Variants in IL1RAPL1 observed in about 807,000 individuals in gnomAD.
The protein encoded by IL1RAPL1 is interleukin 1 receptor accessory protein like 1, also known as interleukin-1 receptor accessory protein-like 1.
In IL1RAPL1, 3 loss-of-function variants were observed where a neutral mutation model predicts 48.4. That is an observed-to-expected ratio of 0.06 (90% CI 0.03 to 0.16). The LOEUF is 0.16. Ranked by LOEUF, IL1RAPL1 falls within the 10% of genes least tolerant of loss-of-function variation. IL1RAPL1 has a pLI of 1.00. For synonymous variants in IL1RAPL1, 185 were observed against 187.7 expected, an observed-to-expected ratio of 0.99 and a Z score of 0.12; for missense variants, 349 against 530.6, an observed-to-expected ratio of 0.66 and a Z score of 3.36.
At chrX:29,254,903 C>T (rs181589029) in intron 2 of IL1RAPL1, among the ~76,000 whole-genome samples, 177 of 111,631 alleles carry the variant, frequency 1.6e-3, no homozygotes, top group African/African-American at 5.5e-3. Flanking sequence ...TCATTTTTAT[C>T]CTCTTATGGA....
intron 5 of IL1RAPL1, among the ~76,000 whole-genome samples, chrX:29,616,129 A>G (rs1456787927): frequency 8.9e-6 from 1 of 111,965 alleles, no homozygotes; most frequent in Non-Finnish European, 1.9e-5. Flanking sequence ...GCAGAAAATG[A>G]GAAAACTCAT....
chrX:29,916,309 C>T (rs1932800565), intron 6 of IL1RAPL1, among the ~76,000 whole-genome samples: 1 of 110,988 alleles, frequency 9.0e-6, no homozygotes, highest in Non-Finnish European at 1.9e-5. Flanking sequence ...GTTCTAGATC[C>T]CTGAGGAATC....
rs982668643 is a variant in IL1RAPL1, at chrX:28,610,659, G to A, written c.-25+22612G>A. On this transcript the variant is annotated intron_variant, in intron 1 of 10. Transcript: ENST00000378993. ...AGTAAGAATCTGATGTTCGTAGAAA[G>A]TTCTGTACCCTTGTTGCATTTGCTG... is the stretch of plus-strand genomic sequence containing the variant. Among the ~76,000 whole-genome samples the A allele has an allele frequency of 5.4e-5, 6 of 111,761 alleles. No homozygotes were observed. The South Asian group carries it at 1.5e-3, about 29-fold the overall frequency.
At chrX:29,353,263 T>C (rs745774373) in intron 3 of IL1RAPL1, among the ~76,000 whole-genome samples, 2 of 111,359 alleles carry the variant, frequency 1.8e-5, no homozygotes, top group Non-Finnish European at 3.8e-5. Context: ...ACTTAGGCTG[T>C]CAGATAATTA....
At chrX:29,017,627 G>C (rs752927807) in intron 2 of IL1RAPL1, among the ~76,000 whole-genome samples, 1 of 111,473 alleles carries the variant, frequency 9.0e-6, no homozygotes, top group African/African-American at 3.3e-5. Flanking sequence ...TTAACTTTAT[G>C]CAGGAAAAGA....
chrX:29,125,503 A>G lies in IL1RAPL1; in HGVS notation c.83-157435A>G, dbSNP rs79152927. On this transcript the variant is annotated intron_variant, in intron 2 of 10. Transcript: ENST00000378993. Reference sequence around the variant, plus strand: ...ATTCCCCTGGAAACTGCAGATGATAAGGGTGCATTTTATTCTGAATGTTGT... The same window carrying G: ...ATTCCCCTGGAAACTGCAGATGATAGGGGTGCATTTTATTCTGAATGTTGT... 3.6e-5 allele frequency among the ~76,000 whole-genome samples: 4 copies of G among 112,240 alleles called. No individual in the cohort carries two copies. The East Asian group carries it at 1.1e-3, about 32-fold the overall frequency.
Position 29,807,352 on chromosome X carries a change from C to A in IL1RAPL1, c.779-110112C>A, listed in dbSNP as rs772207071. Reference sequence around the variant, plus strand: ...GGGAAACACTGGGCATGGTGGCTCACGCCTGTAATCCCAGCACTTTGGGAG... The same window carrying A: ...GGGAAACACTGGGCATGGTGGCTCAAGCCTGTAATCCCAGCACTTTGGGAG... On this transcript the variant is annotated intron_variant, in intron 6 of 10. Transcript: ENST00000378993. Among the ~76,000 whole-genome samples the A allele has an allele frequency of 4.6e-5, 5 of 109,700 alleles. No homozygotes were observed. In the South Asian group the frequency reaches 1.9e-3, roughly 43 times the overall value.
chrX:29,130,085 C>T (rs911074710), intron 2 of IL1RAPL1, among the ~76,000 whole-genome samples: 1 of 111,366 alleles, frequency 9.0e-6, no homozygotes, highest in Non-Finnish European at 1.9e-5. Context: ...ACTACCCACC[C>T]CTAGCTCTGG....
intron 1 of IL1RAPL1, among the ~76,000 whole-genome samples, chrX:28,653,434 C>T (rs1934710337): frequency 9.1e-6 from 1 of 110,119 alleles, no homozygotes. Flanking sequence ...GATATCATGC[C>T]ACTGCACTCC....
chrX:29,914,153 G>A (rs1213211175), intron 6 of IL1RAPL1, among the ~76,000 whole-genome samples: 2 of 112,034 alleles, frequency 1.8e-5, no homozygotes, highest in Admixed American at 9.5e-5. Context: ...GGGTGGGGTA[G>A]TCAAAGAACA....
chrX:29,433,383 A>G (rs758102398), intron 5 of IL1RAPL1, among the ~76,000 whole-genome samples: 1 of 111,021 alleles, frequency 9.0e-6, no homozygotes, highest in Non-Finnish European at 1.9e-5. Context: ...TCAAGTATAT[A>G]TAATTTATTT....
intron 2 of IL1RAPL1, among the ~76,000 whole-genome samples, chrX:28,797,300 C>A (rs1008708937): frequency 2.7e-5 from 3 of 112,134 alleles, no homozygotes; most frequent in Non-Finnish European, 5.6e-5. Context: ...ATGCAAATTT[C>A]TGCAGCCAGC....
intron 2 of IL1RAPL1, among the ~76,000 whole-genome samples, chrX:29,021,997 C>A (rs912322009): frequency 8.9e-6 from 1 of 111,841 alleles, no homozygotes; most frequent in African/African-American, 3.2e-5. Flanking sequence ...AAACTCCCAG[C>A]AAAAGTAGAG....
chrX:29,601,587 C>T (rs1166373527), intron 5 of IL1RAPL1, among the ~76,000 whole-genome samples: 2 of 111,872 alleles, frequency 1.8e-5, no homozygotes, highest in Non-Finnish European at 3.8e-5. Flanking sequence ...TCACAATTAC[C>T]CACCCTTTAG....
chrX:29,780,099 C>T (rs771281968), intron 6 of IL1RAPL1, among the ~76,000 whole-genome samples: 1 of 111,377 alleles, frequency 9.0e-6, no homozygotes, highest in Non-Finnish European at 1.9e-5. Context: ...CTACACGGAT[C>T]CCCCTCAACT....
chrX:28,788,783 T>C (rs1936501118), intron 1 of IL1RAPL1, among the ~76,000 whole-genome samples: 1 of 110,943 alleles, frequency 9.0e-6, no homozygotes, highest in South Asian at 3.8e-4. Flanking sequence ...ATACATTCTT[T>C]TAATAAAAAC....
intron 2 of IL1RAPL1, among the ~76,000 whole-genome samples, chrX:28,863,859 C>T (rs371921810): frequency 9.9e-5 from 11 of 111,623 alleles, no homozygotes; most frequent in African/African-American, 3.2e-4. Flanking sequence ...ATTCTTTAAA[C>T]TTCTAACCAT....
At chrX:29,548,770 T>C (rs1230166382) in intron 5 of IL1RAPL1, among the ~76,000 whole-genome samples, 1 of 111,730 alleles carries the variant, frequency 9.0e-6, no homozygotes, top group African/African-American at 3.2e-5. Context: ...TTTGGATAAA[T>C]TGTATAACTG....
chrX:29,173,954 C>G (rs1929957659), intron 2 of IL1RAPL1, among the ~76,000 whole-genome samples: 1 of 109,014 alleles, frequency 9.2e-6, no homozygotes, highest in Non-Finnish European at 1.9e-5. Context: ...GAGTTTCACT[C>G]TTGTTGCCCA....
Sources: gnomAD v4.1 joint callset for allele counts (sites outside exome capture counted in the v4.1 genomes callset) on GRCh38, gnomAD v4.1.1 for gene constraint, MANE v1.5 for transcripts, NCBI Gene and HGNC (gene_info 2026-07-23, HGNC 2026-07-21) for gene names.